Variants in POLR3E observed in about 807,000 individuals in gnomAD.
POLR3E encodes the protein DNA-directed RNA polymerase III subunit RPC5.
Under a neutral mutation model 96.6 loss-of-function variants are expected in POLR3E, and 41 were observed. The ratio of observed to expected loss-of-function variants is 0.42; its 90% confidence interval spans 0.33 to 0.55. POLR3E has a LOEUF of 0.55. Ranked by LOEUF, POLR3E falls within the 20% of genes least tolerant of loss-of-function variation. POLR3E has a pLI of 0.06. For missense variants in POLR3E, 849 were observed against 952.1 expected, an observed-to-expected ratio of 0.89 and a Z score of 1.43; for synonymous variants, 396 against 383.6, an observed-to-expected ratio of 1.03 and a Z score of -0.38.
chr16:22,303,718 G>T lies in POLR3E; in HGVS notation c.36+714G>T, dbSNP rs557135811. Among the ~76,000 whole-genome samples the T allele has an allele frequency of 1.8e-3, 265 of 146,294 alleles. 8 individuals carry two copies. The South Asian group carries it at 0.053, about 29-fold the overall frequency. The stretch of plus-strand genomic sequence containing the variant: ...TTCAGTGGTGCCATCTCGGCTCACT[G>T]CAACCTTCACCTCCCAGGTTCAAGC... On this transcript the variant is annotated intron_variant, in intron 2 of 20. Coordinates refer to ENST00000299853, the MANE Select transcript of POLR3E (RefSeq NM_018119.4).
rs771466308 is a variant in POLR3E at position 22,322,980 on chromosome 16, G to A, written c.1068+49G>A. The A allele has an allele frequency of 4.5e-6, 6 of 1,332,126 alleles. No individual in the cohort carries two copies. The African/African-American group carries it at 5.8e-5, about 13-fold the overall frequency. 82.5% of individuals were successfully genotyped at this position (1,332,126 alleles called of 1,614,324 possible). A position where few individuals can be genotyped will look rare whatever the true frequency, so the allele number is the denominator to read the frequency against. On this transcript the variant is annotated intron_variant, in intron 14 of 20. Coordinates refer to ENST00000299853, the MANE Select transcript of POLR3E (RefSeq NM_018119.4). This position sits in a 1 kb window ranked among gnomAD's most constrained non-coding sequence, Gnocchi z 5.2. ...CTCACGGTGGGGGCGTGGGAAGAGG[G>A]GGGCAGCGGTGCAGGGCTTCTGAAG...
chr16:22,326,037 C>G lies in POLR3E; in HGVS notation c.1625C>G (p.Thr542Arg), dbSNP rs1029700316. The change falls in exon 18 of 21, where the codon ACA becomes AGA. Residue 542 changes from threonine (T) to arginine (R), a missense_variant. Thr to Arg is a moderately conservative substitution (Grantham distance 71). Transcript: ENST00000299853. ...CTGCCTCTCGGGCGGGCTGCGGGCA[C>G]AGACAGCTTCAACGGGCACCCGCCC... ...NGLPLGRAAG[T>R]DSFNGHPPQG... 1.2e-6 allele frequency: 2 copies of G among 1,604,590 alleles called. No individual in the cohort carries two copies. The highest frequency in any genetic ancestry group is 2.7e-5 in the African/African-American group (2 of 74,732).
intron 6 of POLR3E, chr16:22,310,382 G>A (rs1160577775): frequency 1.3e-5 from 2 of 152,660 alleles, no homozygotes; most frequent in Non-Finnish European, 2.9e-5. Context: ...TGCCTCCTGG[G>A]TTCAAGCGAT....
At chr16:22,305,023 T>A in intron 2 of POLR3E, 133 bp from the exon 3 acceptor site, 1 of 755,690 alleles carries the variant, frequency 1.3e-6, no homozygotes, top group South Asian at 1.4e-5. Context: ...TAGCATGAGC[T>A]GAGCTATTTC....
intron 3 of POLR3E, chr16:22,305,510 C>A: frequency 1.7e-6 from 1 of 603,692 alleles, no homozygotes; most frequent in Non-Finnish European, 3.1e-6. Context: ...TTTCTTAATC[C>A]TTCTGTGCCT....
At chr16:22,298,994 G>T in intron 1 of POLR3E, 2 of 455,816 alleles carry the variant, frequency 4.4e-6, no homozygotes, top group Non-Finnish European at 8.8e-6. Context: ...TGGAGCTTAC[G>T]TTCTATTGCA....
Position 22,305,224 on chromosome 16 carries a change from A to G in POLR3E, c.87+18A>G. The G allele has an allele frequency of 3.1e-6, 5 of 1,589,280 alleles. No individual in the cohort carries two copies. The highest frequency in any genetic ancestry group is 1.7e-5 in the Admixed American group (1 of 59,924). Reference sequence around the variant, plus strand: ...TATTTCAGGTAATTATGGGACTTGAAGGTAAAGAGGGGAGAAGCAGGTGTG... The same window carrying G: ...TATTTCAGGTAATTATGGGACTTGAGGGTAAAGAGGGGAGAAGCAGGTGTG... On this transcript the variant is annotated intron_variant, in intron 3 of 20. Transcript: ENST00000299853.
Position 22,313,823 on chromosome 16 carries a change from CA to C in POLR3E, c.472+97del, listed in dbSNP as rs2048298215. On this transcript the variant is annotated intron_variant, in intron 7 of 20. Transcript: ENST00000299853. The surrounding 1 kb of genome is among the most constrained non-coding windows in gnomAD (Gnocchi z 4.1). ...AGGGATGGGATGATAGGATGTTTAG[CA>C]GGATCCCTGGCCTCTACCTACTAGA... 2 of 867,996 alleles carry C rather than the reference CA, an allele frequency of 2.3e-6. No homozygotes were observed. 53.8% of individuals were successfully genotyped at this position (867,996 alleles called of 1,614,324 possible). A position where few individuals can be genotyped will look rare whatever the true frequency, so the allele number is the denominator to read the frequency against.
chr16:22,320,838 G>A (rs2048458802), intron 13 of POLR3E, among the ~76,000 whole-genome samples: 2 of 152,006 alleles, frequency 1.3e-5, no homozygotes, highest in African/African-American at 2.4e-5. Flanking sequence ...TCCTTTCCAC[G>A]CGTTGATATG....
Position 22,303,639 on chromosome 16 carries a change from C to CTTTTTTTTTTTT in POLR3E, c.36+642_36+653dup, listed in dbSNP as rs58949663. Among the ~76,000 whole-genome samples, 49 of 114,220 alleles carry CTTTTTTTTTTTT rather than the reference C, an allele frequency of 4.3e-4. 6 individuals are homozygous for CTTTTTTTTTTTT. Among genetic ancestry groups the CTTTTTTTTTTTT allele is most frequent in the African/African-American group, 2.3e-3 (47 of 20,798 alleles). The allele number at this position is 114,220 out of a possible 152,430, so 74.9% of individuals were successfully genotyped here. ...TACAGGCAGTGGGAGGCAGATTTCC[C>CTTTTTTTTTTTT]TTTTTTTTTTTTTTTTTTGGAGACA... On this transcript the variant is annotated intron_variant, in intron 2 of 20. Transcript: ENST00000299853.
chr16:22,327,459 A>G (rs1409644617), intron 18 of POLR3E: 6 of 152,252 alleles, frequency 3.9e-5, no homozygotes, highest in African/African-American at 1.4e-4. Flanking sequence ...GCTGGAGTGG[A>G]CAGAGGTGAG....
intron 1 of POLR3E, 41 bp from the exon 2 acceptor site, chr16:22,302,890 T>G: frequency 7.3e-7 from 1 of 1,369,094 alleles, no homozygotes; most frequent in Admixed American, 1.7e-5. Context: ...GAAATGTTGG[T>G]TGAACGACTG....
At chr16:22,305,112 A>G (rs749604240) in intron 2 of POLR3E, 44 bp from the exon 3 acceptor site, 1 of 1,536,978 alleles carries the variant, frequency 6.5e-7, no homozygotes, top group East Asian at 2.2e-5. Flanking sequence ...GGAGGTCAGC[A>G]CTGTGTCCAG....
rs867943604 is a variant in POLR3E at position 22,305,158 on chromosome 16, C to G, written c.39C>G (p.Ile13Met). 2 of 1,612,404 alleles carry G rather than the reference C, an allele frequency of 1.2e-6. No homozygotes were observed. Among genetic ancestry groups the G allele is most frequent in the Non-Finnish European group, 1.7e-6 (2 of 1,178,666 alleles). ...AAGTCGTCTTCCCTTCTTCCCAGAT[C>G]GATGTGTACTTGGCCAAGAGTCTGG... ...NEEDDPVVQEIDVYLAKSLAE... is the reference protein window; with the variant it reads ...NEEDDPVVQEMDVYLAKSLAE... Residue 13 changes from isoleucine to methionine, a missense_variant and splice_region_variant, in exon 3 of 21, where the codon ATC becomes ATG. Transcript: ENST00000299853.
chr16:22,309,325 C>A, intron 5 of POLR3E, 103 bp from the exon 6 acceptor site: 1 of 924,914 alleles, frequency 1.1e-6, no homozygotes, highest in African/African-American at 1.6e-5. Context: ...TGGTCCCTGG[C>A]TGTGGCACTT....
intron 3 of POLR3E, 152 bp from the exon 4 acceptor site, chr16:22,307,996 C>G (rs2048169749): frequency 3.2e-6 from 2 of 618,462 alleles, no homozygotes; most frequent in Admixed American, 2.5e-5. Context: ...AGGGGTGCCT[C>G]ATGGTAGGGC....
At chr16:22,331,221 C>T (rs1020228568) in intron 19 of POLR3E, among the ~76,000 whole-genome samples, 4 of 152,022 alleles carry the variant, frequency 2.6e-5, no homozygotes, top group East Asian at 3.9e-4. Context: ...TCAGGTAATC[C>T]GCCTGCCTCG....
Position 22,315,135 on chromosome 16 carries a change from T to G in POLR3E, c.569T>G (p.Val190Gly). 1 of 1,613,196 alleles carries G rather than the reference T, an allele frequency of 6.2e-7. No homozygotes were observed. The highest frequency in any genetic ancestry group is 1.1e-5 in the South Asian group (1 of 90,774). Reference sequence around the variant, plus strand: ...TCAGAGCAGGCCCGCCAGCGCCGTGTGCAGTCCTATGAGTTCCTGCAGAAG... The same window carrying G: ...TCAGAGCAGGCCCGCCAGCGCCGTGGGCAGTCCTATGAGTTCCTGCAGAAG... ...PESEQARQRR[V>G]QSYEFLQKKH... The change falls in exon 9 of 21, where the codon GTG becomes GGG. Residue 190 changes from valine to glycine, a missense_variant. Transcript: ENST00000299853.
Position 22,316,668 on chromosome 16 carries a change from A to G in POLR3E, c.710A>G (p.Glu237Gly). 6.2e-7 allele frequency: 1 copy of G among 1,613,910 alleles called. No homozygotes were observed. Residue 237 changes from glutamate (E) to glycine (G), a missense_variant, in exon 10 of 21, where the codon GAG becomes GGG. Transcript: ENST00000299853. Reference sequence around the variant, plus strand: ...GGCTCAAGCGGGGTGGAGAACACGGAGCTCGTCAAGTCACCCAGGTGGGAT... The same window carrying G: ...GGCTCAAGCGGGGTGGAGAACACGGGGCTCGTCAAGTCACCCAGGTGGGAT... ...CPGSSGVENT[E>G]LVKSPSEYLM...
Sources: gnomAD v4.1 joint callset for allele counts (sites outside exome capture counted in the v4.1 genomes callset) on GRCh38, gnomAD v4.1.1 for gene constraint, Gnocchi (gnomAD v3.1) non-coding constraint, MANE v1.5 for transcripts, NCBI Gene and HGNC (gene_info 2026-07-23, HGNC 2026-07-21) for gene names.